SLC16A3: variants seen among roughly 807,000 people sequenced by gnomAD.
SLC16A3 encodes the protein solute carrier family 16 member 3, also known as monocarboxylate transporter 4.
A neutral mutation model predicts 25.0 loss-of-function variants in SLC16A3; 22 were observed. The ratio of observed to expected loss-of-function variants is 0.88; its 90% CI spans 0.63 to 1.26. SLC16A3 has a LOEUF of 1.26. Ranked by LOEUF, SLC16A3 falls within the 50% of genes most tolerant of loss-of-function variation. SLC16A3 has a pLI of 0.00. For synonymous variants in SLC16A3, 390 were observed against 309.2 expected (o/e 1.26, Z -2.74); for missense variants, 731 against 666.6 (o/e 1.10, Z -1.06).
In SLC16A3 at chr17:82,236,058, A is replaced by AC; in HGVS notation, c.51dup (p.Gly18ArgfsTer139). ...GGCCCCACAGGCGTCAAGGCCCCTG[A>AC]CGGCGGCTGGGGCTGGGCCGTGCTC... On this transcript the variant is annotated frameshift_variant, in exon 2 of 5. Coordinates refer to ENST00000582743, the MANE Select transcript of SLC16A3 (RefSeq NM_004207.4). LOFTEE classifies it high-confidence loss of function. The AC allele has an allele frequency of 6.2e-7, 1 of 1,612,796 alleles. No homozygotes were observed. Among genetic ancestry groups the AC allele is most frequent in the Non-Finnish European group, 8.5e-7 (1 of 1,179,838 alleles).
upstream of SLC16A3, among the ~76,000 whole-genome samples, chr17:82,223,898 C>T (rs1043980895): frequency 1.3e-5 from 2 of 151,950 alleles, no homozygotes; most frequent in African/African-American, 4.8e-5. Context: ...TCACTGAGGA[C>T]ATCAAGAAGA....
rs966734102 is a variant in SLC16A3 at position 82,239,811 on chromosome 17, G to A, written c.*835G>A. 4.9e-6 allele frequency: 2 copies of A among 404,804 alleles called. No homozygotes were observed. The highest frequency in any genetic ancestry group is 4.1e-5 in the African/African-American group (2 of 48,724). 25.1% of individuals were successfully genotyped at this position (404,804 alleles called of 1,614,324 possible). On this transcript the variant is annotated 3_prime_UTR_variant, in exon 5 of 5. Transcript: ENST00000582743. Reference sequence around the variant, plus strand: ...CCTTTTTCGCCCCTCTGCCTGGCTGGCAGTGTGCGTGGTGTGGTCAGTGCC... The same window carrying A: ...CCTTTTTCGCCCCTCTGCCTGGCTGACAGTGTGCGTGGTGTGGTCAGTGCC...
intron 1 of SLC16A3, among the ~76,000 whole-genome samples, chr17:82,218,618 A>G (rs990296848): frequency 6.6e-6 from 1 of 152,172 alleles, no homozygotes; most frequent in Non-Finnish European, 1.5e-5. Flanking sequence ...GGGAGGCCGC[A>G]CCAGGACCAC....
chr17:82,230,071 G>A (rs2050469216), intron 1 of SLC16A3: 1 of 152,552 alleles, frequency 6.6e-6, no homozygotes, highest in Admixed American at 6.5e-5. Context: ...GCACAAGGGT[G>A]GGAGGTCTTG....
In SLC16A3 at chr17:82,238,709, C is replaced by T. The variant is rs1254298611; in HGVS notation, c.1131C>T (p.Leu377=). ...GACGGGGTCTTCCCGCAGGCAAACT[C>T]CTGGATGCGACCCACGTCTACATGT... ...VLVGPPSGGK[L]LDATHVYMYV... is the part of the protein sequence containing the mutation. Residue 377 remains leucine (L), a synonymous_variant, in exon 5 of 5, where the codon CTC becomes CTT. Transcript: ENST00000582743. 2 of 1,609,498 alleles carry T rather than the reference C, an allele frequency of 1.2e-6. No individual in the cohort carries two copies. The highest frequency in any genetic ancestry group is 1.7e-6 in the Non-Finnish European group (2 of 1,178,272).
chr17:82,228,353 G>A (rs973377929), upstream of SLC16A3: 1 of 152,310 alleles, frequency 6.6e-6, no homozygotes, highest in African/African-American at 2.4e-5. Context: ...GGGCGGGGCA[G>A]GGGCGCAGGG....
chr17:82,220,526 T>C (rs1307357571), intron 1 of SLC16A3, among the ~76,000 whole-genome samples: 1 of 152,044 alleles, frequency 6.6e-6, no homozygotes, highest in Non-Finnish European at 1.5e-5. Context: ...ATCCCAGCAC[T>C]TTGGGAGGTG....
intron 4 of SLC16A3, among the ~76,000 whole-genome samples, chr17:82,238,382 A>G (rs1568542088): frequency 6.6e-6 from 1 of 152,102 alleles, no homozygotes; most frequent in Non-Finnish European, 1.5e-5. Flanking sequence ...TACTGAACAC[A>G]GTAGGGCTTC....
chr17:82,219,705 G>A (rs80019942), intron 1 of SLC16A3, among the ~76,000 whole-genome samples: 5,945 of 152,244 alleles, frequency 0.039, 133 homozygotes, highest in South Asian at 0.074. Flanking sequence ...AGGCCAAAGG[G>A]TGCAAAGAGG....
Position 82,237,386 on chromosome 17 carries a change from C to A in SLC16A3, c.616C>A (p.Pro206Thr). The A allele has an allele frequency of 6.5e-7, 1 of 1,546,190 alleles. No homozygotes were observed. Among genetic ancestry groups the A allele is most frequent in the Non-Finnish European group, 8.7e-7 (1 of 1,144,280 alleles). ...GAGGCCCCTGGTGGTCACGGCCCAG[C>A]CGGGCTCGGGGCCGCCGCGACCCTC... ...LMRPLVVTAQ[P>T]GSGPPRPSRR... Residue 206 changes from proline to threonine, a missense_variant, in exon 4 of 5, where the codon CCG becomes ACG. Physicochemically the swap from Pro to Thr is conservative, Grantham distance 38. Coordinates refer to ENST00000582743, the MANE Select transcript of SLC16A3 (RefSeq NM_004207.4).
intron 1 of SLC16A3, among the ~76,000 whole-genome samples, chr17:82,219,463 G>T (rs1207989727): frequency 6.6e-6 from 1 of 152,120 alleles, no homozygotes; most frequent in Non-Finnish European, 1.5e-5. Flanking sequence ...GGCCGTGGGG[G>T]CTCCCCAGGA....
At chr17:82,227,819 G>A (rs987598171), upstream of SLC16A3, among the ~76,000 whole-genome samples, 3 of 152,198 alleles carry the variant, frequency 2.0e-5, no homozygotes, top group African/African-American at 4.8e-5. Flanking sequence ...TGGGCCCCAG[G>A]TAGGGGTGAG....
In SLC16A3 at chr17:82,237,332, C is replaced by T. The variant is rs1183697572; in HGVS notation, c.562C>T (p.Leu188Phe). ...CTTCCTCATCCTGGGCGGCCTGCTG[C>T]TCAACTGCTGCGTGTGTGCCGCACT... ...GGFLILGGLL[L>F]NCCVCAALMR... The change falls in exon 4 of 5, where the codon CTC becomes TTC. Residue 188 changes from leucine (L) to phenylalanine (F), a missense_variant. Leu to Phe is a conservative substitution (Grantham distance 22). Transcript: ENST00000582743. The T allele has an allele frequency of 6.5e-7, 1 of 1,542,466 alleles. No individual in the cohort carries two copies. The highest frequency in any genetic ancestry group is 2.4e-5 in the East Asian group (1 of 41,252).
rs748834969 is a variant in SLC16A3, at chr17:82,237,376, C to T, written c.606C>T (p.Val202=). The T allele has an allele frequency of 6.5e-7, 1 of 1,542,084 alleles. No homozygotes were observed. Among genetic ancestry groups the T allele is most frequent in the South Asian group, 1.2e-5 (1 of 84,056 alleles). ...CCGCACTCATGAGGCCCCTGGTGGT[C>T]ACGGCCCAGCCGGGCTCGGGGCCGC... ...VCAALMRPLV[V]TAQPGSGPPR... Residue 202 remains valine (V), a synonymous_variant, in exon 4 of 5, where the codon GTC becomes GTT. Transcript: ENST00000582743.
In SLC16A3 at chr17:82,236,068, G is replaced by C. The variant is rs1387556034; in HGVS notation, c.60G>C (p.Trp20Cys). Residue 20 changes from tryptophan to cysteine, a missense_variant, in exon 2 of 5, where the codon TGG becomes TGC. Transcript: ENST00000582743. ...PTGVKAPDGG[W>C]GWAVLFGCFV... is the part of the protein sequence containing the mutation. ...GCGTCAAGGCCCCTGACGGCGGCTG[G>C]GGCTGGGCCGTGCTCTTCGGCTGTT... The C allele has an allele frequency of 6.2e-7, 1 of 1,612,818 alleles. No individual in the cohort carries two copies. The highest frequency in any genetic ancestry group is 2.2e-5 in the East Asian group (1 of 44,880).
chr17:82,230,641 C>G (rs749033085), intron 1 of SLC16A3: 1 of 152,446 alleles, frequency 6.6e-6, no homozygotes, highest in African/African-American at 2.4e-5. Flanking sequence ...GACCTGGCCA[C>G]GTGGGACAGA....
Position 82,219,595 on chromosome 17 carries a change from C to T in SLC16A3, c.-27+1411C>T, listed in dbSNP as rs533848307. Among the ~76,000 whole-genome samples, 163 of 152,218 alleles carry T rather than the reference C, an allele frequency of 1.1e-3. 2 individuals are homozygous for T. The highest frequency in any genetic ancestry group is 3.9e-3 in the African/African-American group (161 of 41,534). ...CCCTTCCCCACCGCCTCCCAGGTGC[C>T]GGTGGCCGCCCCTGAGCAGGGGGTT... On this transcript the variant is annotated intron_variant, in intron 1 of 4. Coordinates refer to the SLC16A3 transcript ENST00000580098.
At position 82,237,380 on chromosome 17, in the gene SLC16A3, G is replaced by A; in HGVS notation, c.610G>A (p.Ala204Thr). 1 of 1,542,994 alleles carries A rather than the reference G, an allele frequency of 6.5e-7. No homozygotes were observed. Among genetic ancestry groups the A allele is most frequent in the Non-Finnish European group, 8.8e-7 (1 of 1,142,574 alleles). Residue 204 changes from alanine to threonine, a missense_variant, in exon 4 of 5, where the codon GCC (alanine) becomes ACC (threonine). By Grantham distance (58) the Ala-to-Thr change is moderately conservative (BLOSUM62 0). Transcript: ENST00000582743. ...ACTCATGAGGCCCCTGGTGGTCACG[G>A]CCCAGCCGGGCTCGGGGCCGCCGCG... ...AALMRPLVVT[A>T]QPGSGPPRPS...
In SLC16A3 at chr17:82,238,690, G is replaced by C. The variant is rs1315957465; in HGVS notation, c.1124-12G>C. The C allele has an allele frequency of 1.2e-6, 2 of 1,603,394 alleles. No individual in the cohort carries two copies. Among genetic ancestry groups the C allele is most frequent in the Non-Finnish European group, 1.7e-6 (2 of 1,174,862 alleles). ...CGCATGAGCGGCTGGGACTGACGGG[G>C]TCTTCCCGCAGGCAAACTCCTGGAT... On this transcript the variant is annotated splice_polypyrimidine_tract_variant and intron_variant, in intron 4 of 4. Transcript: ENST00000582743.
Sources: gnomAD v4.1 joint callset for allele counts (sites outside exome capture counted in the v4.1 genomes callset) on GRCh38, gnomAD v4.1.1 for gene constraint, MANE v1.5 for transcripts, NCBI Gene and HGNC (gene_info 2026-07-23, HGNC 2026-07-21) for gene names.